The following MINDY4 variants were observed in gnomAD, a reference collection of about 807,000 sequenced individuals.
MINDY4 encodes MINDY lysine 48 deubiquitinase 4.
In MINDY4, 68 loss-of-function variants were observed where a neutral mutation model predicts 87.0. That is an observed-to-expected ratio of 0.78 (90% CI 0.64 to 0.96). The LOEUF is 0.96. MINDY4 is among the 40% of genes least tolerant of loss of function. MINDY4 has a pLI of 0.00. For synonymous variants in MINDY4, 379 were observed against 363.2 expected (o/e 1.04, Z -0.50); for missense variants, 919 against 928.2 (o/e 0.99, Z 0.13).
chr7:30,845,395 GT>G (rs1789177807), intron 9 of MINDY4, among the ~76,000 whole-genome samples: 1 of 151,892 alleles, frequency 6.6e-6, no homozygotes. Context: ...GACTTATATA[GT>G]TTTCACATTG....
At chr7:30,888,814 G>C (rs1183495210) in intron 17 of MINDY4, among the ~76,000 whole-genome samples, 2 of 152,152 alleles carry the variant, frequency 1.3e-5, no homozygotes, top group African/African-American at 2.4e-5. Context: ...TGGATGGAGC[G>C]GGTTGGTTAT....
intron 15 of MINDY4, among the ~76,000 whole-genome samples, chr7:30,881,778 G>A (rs1790469324): frequency 6.6e-6 from 1 of 152,220 alleles, no homozygotes; most frequent in African/African-American, 2.4e-5. Context: ...AGCTGAATTT[G>A]TTTGAGGGGT....
chr7:30,847,700 CTA>C (rs1283765979), intron 9 of MINDY4, among the ~76,000 whole-genome samples: 1 of 149,760 alleles, frequency 6.7e-6, no homozygotes, highest in Non-Finnish European at 1.5e-5. Context: ...GATAAATACT[CTA>C]TATATGTGTG....
At chr7:30,834,933 TC>T (rs1266828564) in intron 6 of MINDY4, among the ~76,000 whole-genome samples, 1 of 152,210 alleles carries the variant, frequency 6.6e-6, no homozygotes, top group Non-Finnish European at 1.5e-5. Context: ...CATACTACTA[TC>T]CGCATTTTTG....
chr7:30,806,343 T>A (rs187467461), intron 5 of MINDY4, among the ~76,000 whole-genome samples: 153 of 152,348 alleles, frequency 1.0e-3, no homozygotes, highest in African/African-American at 3.5e-3. Context: ...AGGCAAAAAC[T>A]TTTTAGCCTC....
chr7:30,884,497 A>G (rs1211525515), intron 17 of MINDY4, among the ~76,000 whole-genome samples: 1 of 152,230 alleles, frequency 6.6e-6, no homozygotes, highest in Non-Finnish European at 1.5e-5. Flanking sequence ...TAGCCTTGGC[A>G]TCTGTACAGG....
chr7:30,873,385 C>T (rs1403244663), intron 14 of MINDY4, among the ~76,000 whole-genome samples: 3 of 152,190 alleles, frequency 2.0e-5, no homozygotes, highest in Admixed American at 2.0e-4. Flanking sequence ...AAGCCCTGTT[C>T]TCTGTTTCAC....
chr7:30,795,653 G>A (rs765508), intron 5 of MINDY4, among the ~76,000 whole-genome samples: 14,092 of 152,242 alleles, frequency 0.093, 1,328 homozygotes, highest in African/African-American at 0.24. Context: ...GACAAACACA[G>A]ATTGATGGTT....
rs376233756 is a variant in MINDY4 at position 30,872,365 on chromosome 7, G to A, written c.1809+59G>A. The A allele has an allele frequency of 1.3e-4, 195 of 1,511,402 alleles. No homozygotes were observed. The East Asian group carries it at 2.4e-3, about 18-fold the overall frequency. The allele number at this position is 1,511,402 out of a possible 1,614,324, so 93.6% of individuals were successfully genotyped here. On this transcript the variant is annotated intron_variant, in intron 14 of 17. Coordinates refer to ENST00000265299, the MANE Select transcript of MINDY4 (RefSeq NM_032222.3). ...CCCCCTCCTCTGTCCCTCAGAGAGG[G>A]AGAGGTCCTCCTCCCTCCTCTTGCC...
intron 9 of MINDY4, among the ~76,000 whole-genome samples, chr7:30,849,996 G>C (rs886397003): frequency 6.6e-6 from 1 of 152,258 alleles, no homozygotes; most frequent in African/African-American, 2.4e-5. Context: ...GGCCCTGGCA[G>C]TGAATAGCAC....
intron 12 of MINDY4, among the ~76,000 whole-genome samples, chr7:30,857,218 A>G (rs1229676468): frequency 6.6e-6 from 1 of 152,100 alleles, no homozygotes; most frequent in African/African-American, 2.4e-5. Context: ...TTTTGGAGCG[A>G]CGTTCACTTT....
At chr7:30,858,892 A>C (rs1789661222) in intron 12 of MINDY4, 2 of 449,210 alleles carry the variant, frequency 4.5e-6, no homozygotes, top group Non-Finnish European at 8.8e-6. Context: ...AGAGGGCAGT[A>C]ATCATAGTAC....
rs771686692 is a variant in MINDY4, at chr7:30,840,840, C to A, written c.1437C>A (p.Asp479Glu). Residue 479 changes from aspartate to glutamate, a missense_variant, in exon 9 of 18, where the codon GAC (aspartate) becomes GAA (glutamate). Physicochemically the swap from Asp to Glu is conservative, Grantham distance 45. Coordinates refer to ENST00000265299, the MANE Select transcript of MINDY4 (RefSeq NM_032222.3). Reference protein sequence around the residue: ...KLLFEGDSKADCAQGLQPSDA... With the variant: ...KLLFEGDSKAECAQGLQPSDA... ...TGTTTGAAGGAGATAGCAAAGCCGA[C>A]TGTGCTCAGTAAGTCAGTGCTCTTT... is the stretch of plus-strand genomic sequence containing the variant. 1 of 1,614,018 alleles carries A rather than the reference C, an allele frequency of 6.2e-7. No homozygotes were observed. Among genetic ancestry groups the A allele is most frequent in the South Asian group, 1.1e-5 (1 of 91,076 alleles).
Position 30,791,307 on chromosome 7 carries a change from G to A in MINDY4, c.806G>A (p.Arg269Lys), listed in dbSNP as rs1452977851. 6.2e-7 allele frequency: 1 copy of A among 1,614,134 alleles called. No homozygotes were observed. Among genetic ancestry groups the A allele is most frequent in the Admixed American group, 1.7e-5 (1 of 60,016 alleles). The part of the protein sequence containing the change: ...ILASSNSSPS[R>K]TSLGQLSELT... ...GCTTCGAGCAACAGCTCCCCCTCCA[G>A]GACCTCCCTGGGTCAGCTTAGTGAA... is the stretch of plus-strand genomic sequence containing the variant. The change falls in exon 5 of 18, where the codon AGG becomes AAG. Residue 269 changes from arginine (R) to lysine (K), a missense_variant. By Grantham distance (26) the Arg-to-Lys change is conservative. Coordinates refer to ENST00000265299, the MANE Select transcript of MINDY4 (RefSeq NM_032222.3).
chr7:30,781,993 T>C lies in MINDY4; in HGVS notation c.200T>C (p.Leu67Pro), dbSNP rs1290410251. The change falls in exon 3 of 18, where the codon CTA becomes CCA. Residue 67 changes from leucine to proline, a missense_variant. Physicochemically the swap from Leu to Pro is moderately conservative, Grantham distance 98. Transcript: ENST00000265299. Reference protein sequence around the residue: ...YKENKAKENPLKTSLELITRY... With the variant: ...YKENKAKENPPKTSLELITRY... Reference sequence around the variant, plus strand: ...CAATGATAGGCAAAGGAAAATCCTCTAAAAACAAGCCTTGAACTCATCACC... The same window carrying C: ...CAATGATAGGCAAAGGAAAATCCTCCAAAAACAAGCCTTGAACTCATCACC... 3.1e-6 allele frequency: 5 copies of C among 1,613,104 alleles called. No homozygotes were observed. In the African/African-American group the frequency reaches 6.7e-5, roughly 22 times the overall value.
At chr7:30,837,143 A>C (rs1788882156) in intron 7 of MINDY4, among the ~76,000 whole-genome samples, 1 of 152,152 alleles carries the variant, frequency 6.6e-6, no homozygotes, top group Non-Finnish European at 1.5e-5. Context: ...GGTTGCAGTG[A>C]AGGAAGGACA....
At chr7:30,778,197 G>A (rs772332774) in intron 1 of MINDY4, among the ~76,000 whole-genome samples, 7 of 152,164 alleles carry the variant, frequency 4.6e-5, no homozygotes, top group South Asian at 4.1e-4. Context: ...ACTCCTGTGC[G>A]CGAGTCCTGA....
intron 4 of MINDY4, among the ~76,000 whole-genome samples, chr7:30,789,779 C>G (rs1787265920): frequency 6.6e-6 from 1 of 152,122 alleles, no homozygotes; most frequent in African/African-American, 2.4e-5. Flanking sequence ...AATTTTAAAC[C>G]AAGGAAAAGC....
chr7:30,819,129 TG>T (rs1788248086), intron 5 of MINDY4, among the ~76,000 whole-genome samples: 1 of 152,210 alleles, frequency 6.6e-6, no homozygotes, highest in African/African-American at 2.4e-5. Context: ...TCTCTTTTGC[TG>T]GGGGATGCTT....
Sources: gnomAD v4.1 joint callset for allele counts (sites outside exome capture counted in the v4.1 genomes callset) on GRCh38, gnomAD v4.1.1 for gene constraint, MANE v1.5 for transcripts, NCBI Gene and HGNC (gene_info 2026-07-23, HGNC 2026-07-21) for gene names.